LHFPL3: variants seen among roughly 807,000 people sequenced by gnomAD.
The protein encoded by LHFPL3 is LHFPL tetraspan subfamily member 3.
Under a neutral mutation model 19.3 loss-of-function variants are expected in LHFPL3, and 5 were observed. That is an observed-to-expected ratio of 0.26 (90% CI 0.14 to 0.54). The LOEUF is 0.54. LHFPL3 is among the 20% of genes least tolerant of loss of function. LHFPL3 has a pLI of 0.94. For synonymous variants in LHFPL3, 133 were observed against 126.2 expected (o/e 1.05, Z -0.36); for missense variants, 249 against 307.4 (o/e 0.81, Z 1.42).
intron 1 of LHFPL3, among the ~76,000 whole-genome samples, chr7:104,676,016 T>C (rs1285109289): frequency 2.0e-5 from 3 of 152,166 alleles, no homozygotes; most frequent in African/African-American, 4.8e-5. Context: ...AGGTGTTAAA[T>C]TGGTAGAGAA....
chr7:104,798,699 AT>A lies in LHFPL3; in HGVS notation c.682+61798del, dbSNP rs34435651. Among the ~76,000 whole-genome samples the A allele has an allele frequency of 5.9e-4, 89 of 150,860 alleles. 2 individuals are homozygous for A. Among genetic ancestry groups the A allele is most frequent in the South Asian group, 5.7e-3 (27 of 4,776 alleles). On this transcript the variant is annotated intron_variant, in intron 2 of 2. Transcript: ENST00000424859. ...AAGATAGGTGCTAGAAAGTCTCACG[AT>A]TTTTTTTTTGAAAGCCTAGTTCTCA...
At chr7:104,332,223 CTT>C (rs1183733733) in intron 1 of LHFPL3, among the ~76,000 whole-genome samples, 1 of 63,934 alleles carries the variant, frequency 1.6e-5, no homozygotes, top group African/African-American at 7.2e-5. Flanking sequence ...TATTTCTTTT[CTT>C]TTTTTTTTTT....
At chr7:104,827,427 T>C (rs1790846935) in intron 2 of LHFPL3, among the ~76,000 whole-genome samples, 1 of 152,010 alleles carries the variant, frequency 6.6e-6, no homozygotes, top group Non-Finnish European at 1.5e-5. Flanking sequence ...TAGGTACAAT[T>C]AGATTATAGT....
Position 104,430,438 on chromosome 7 carries a change from A to G in LHFPL3, c.445+101214A>G, listed in dbSNP as rs71540947. On this transcript the variant is annotated intron_variant, in intron 1 of 2. Transcript: ENST00000424859. ...TATATACATATATATATATATATAT[A>G]TATATATATATATATATTTTTTTTT... 6.8e-3 allele frequency among the ~76,000 whole-genome samples: 102 copies of G among 15,004 alleles called. 3 individuals are homozygous for G. Among genetic ancestry groups the G allele is most frequent in the Non-Finnish European group, 9.7e-3 (87 of 8,940 alleles). 9.8% of individuals were successfully genotyped at this position (15,004 alleles called of 152,430 possible).
Position 104,558,266 on chromosome 7 carries a change from A to G in LHFPL3, c.446-178409A>G, listed in dbSNP as rs1789898220. ...GAGGAATCGCCACACTGACTTCCAC[A>G]ATGGTTGAACTAGTTTACAGTCCCA... On this transcript the variant is annotated intron_variant, in intron 1 of 2. Transcript: ENST00000424859. Among the ~76,000 whole-genome samples the G allele has an allele frequency of 2.0e-5, 3 of 150,864 alleles. No individual in the cohort carries two copies. The East Asian group carries it at 5.9e-4, about 30-fold the overall frequency.
chr7:104,797,950 AACAACAAACT>A (rs1275853691), intron 2 of LHFPL3, among the ~76,000 whole-genome samples: 1 of 145,452 alleles, frequency 6.9e-6, no homozygotes, highest in East Asian at 2.6e-4. Flanking sequence ...CAACAACAAC[AACAACAAACT>A]ATCAATAACG....
chr7:104,593,762 C>G (rs112018048), intron 1 of LHFPL3, among the ~76,000 whole-genome samples: 167 of 152,288 alleles, frequency 1.1e-3, no homozygotes, highest in African/African-American at 3.9e-3. Flanking sequence ...GTTAGCTCTT[C>G]TTGTTGAATT....
intron 2 of LHFPL3, among the ~76,000 whole-genome samples, chr7:104,798,863 G>A (rs1458216608): frequency 1.3e-5 from 2 of 151,882 alleles, no homozygotes; most frequent in African/African-American, 4.8e-5. Context: ...TTTTTGGATT[G>A]GCTCTGACCT....
chr7:104,482,622 G>T (rs897638166), intron 1 of LHFPL3, among the ~76,000 whole-genome samples: 2 of 152,242 alleles, frequency 1.3e-5, no homozygotes, highest in East Asian at 1.9e-4. Flanking sequence ...GGAACTAAAA[G>T]AAGATACTGC....
intron 2 of LHFPL3, among the ~76,000 whole-genome samples, chr7:104,866,732 G>C (rs1250369997): frequency 6.6e-6 from 1 of 152,168 alleles, no homozygotes; most frequent in African/African-American, 2.4e-5. Flanking sequence ...GGACCTAATA[G>C]ACATCTACAG....
At chr7:104,848,952 C>A (rs761004356) in intron 2 of LHFPL3, among the ~76,000 whole-genome samples, 1 of 151,514 alleles carries the variant, frequency 6.6e-6, no homozygotes, top group African/African-American at 2.4e-5. Flanking sequence ...CACTCTGTCA[C>A]CCGGTTTGTC....
chr7:104,621,348 A>C (rs546759193), intron 1 of LHFPL3, among the ~76,000 whole-genome samples: 1 of 152,354 alleles, frequency 6.6e-6, no homozygotes, highest in African/African-American at 2.4e-5. Flanking sequence ...AAGCATGCTC[A>C]TGCTGTTTTC....
At chr7:104,637,444 A>C (rs909261292) in intron 1 of LHFPL3, among the ~76,000 whole-genome samples, 9 of 152,282 alleles carry the variant, frequency 5.9e-5, no homozygotes, top group Non-Finnish European at 8.8e-5. Flanking sequence ...CTTCATCATG[A>C]AATCTTTGCC....
At chr7:104,408,703 A>T (rs1430184359) in intron 1 of LHFPL3, among the ~76,000 whole-genome samples, 1 of 152,162 alleles carries the variant, frequency 6.6e-6, no homozygotes, top group Non-Finnish European at 1.5e-5. Context: ...CCACATGCCA[A>T]TGCTGAACTG....
Position 104,391,477 on chromosome 7 carries a change from C to G in LHFPL3, c.445+62253C>G, listed in dbSNP as rs149478786. On this transcript the variant is annotated intron_variant, in intron 1 of 2. Coordinates refer to ENST00000424859, the MANE Select transcript of LHFPL3 (RefSeq NM_199000.3). ...CATTGCTTGTTTTTGTTAGGTTTGTCAAAGATCAGATGGCTATAGATGTGT... is the reference window on the plus strand; with the variant it reads ...CATTGCTTGTTTTTGTTAGGTTTGTGAAAGATCAGATGGCTATAGATGTGT... Among the ~76,000 whole-genome samples, 852 of 152,244 alleles carry G rather than the reference C, an allele frequency of 5.6e-3. 2 individuals are homozygous for G. Among genetic ancestry groups the G allele is most frequent in the African/African-American group, 0.02 (816 of 41,546 alleles).
chr7:104,836,440 T>C (rs1302687834), intron 2 of LHFPL3, among the ~76,000 whole-genome samples: 1 of 152,196 alleles, frequency 6.6e-6, no homozygotes, highest in Admixed American at 6.5e-5. Flanking sequence ...AAGGCACTTA[T>C]TGTCTTTGGA....
intron 1 of LHFPL3, among the ~76,000 whole-genome samples, chr7:104,586,820 G>A (rs1790588101): frequency 6.6e-6 from 1 of 152,206 alleles, no homozygotes; most frequent in South Asian, 2.1e-4. Context: ...ACCCCTTCTG[G>A]CCAAGCACAT....
intron 1 of LHFPL3, among the ~76,000 whole-genome samples, chr7:104,557,575 T>A (rs1396316077): frequency 6.6e-6 from 1 of 152,116 alleles, no homozygotes; most frequent in East Asian, 1.9e-4. Flanking sequence ...GAGATTTGGG[T>A]GGGAATACAG....
At chr7:104,543,980 C>T (rs1278987658) in intron 1 of LHFPL3, among the ~76,000 whole-genome samples, 3 of 149,600 alleles carry the variant, frequency 2.0e-5, no homozygotes, top group African/African-American at 7.4e-5. Context: ...CCATGGCACA[C>T]GTATACCTAT....
Sources: allele counts gnomAD v4.1 joint callset (sites outside exome capture counted in the v4.1 genomes callset), GRCh38; gene constraint gnomAD v4.1.1; transcripts MANE v1.5; gene names NCBI Gene and HGNC (gene_info 2026-07-23, HGNC 2026-07-21).